The following TRIP12 variants were observed in gnomAD, a reference collection of about 807,000 sequenced individuals.
The protein encoded by TRIP12 is thyroid hormone receptor interactor 12, also known as E3 ubiquitin-protein ligase TRIP12.
A neutral mutation model predicts 244.2 loss-of-function variants in TRIP12; 25 were observed. The ratio of observed to expected loss-of-function variants is 0.10; its 90% CI spans 0.07 to 0.14. The LOEUF is 0.14. TRIP12 is among the 10% of genes least tolerant of loss of function. TRIP12 has a pLI of 1.00. For synonymous variants in TRIP12, 905 were observed against 873.1 expected, an observed-to-expected ratio of 1.04 and a Z score of -0.64; for missense variants, 1,677 against 2,486.4, an observed-to-expected ratio of 0.67 and a Z score of 6.92.
chr2:229,922,170 C>G (rs1044566501), upstream of TRIP12: 2 of 207,116 alleles, frequency 9.7e-6, no homozygotes, highest in Non-Finnish European at 2.0e-5. Context: ...CCTCCCACGC[C>G]TCCCGGCTCG....
chr2:229,848,451 A>G (rs563987322), intron 4 of TRIP12, among the ~76,000 whole-genome samples: 1 of 152,056 alleles, frequency 6.6e-6, no homozygotes, highest in East Asian at 1.9e-4. Context: ...ATGAAAACAA[A>G]ATCACCTCTT....
rs751997082 is a variant in TRIP12 at position 229,796,579 on chromosome 2, T to C, written c.3816+12A>G. 9 of 1,568,164 alleles carry C rather than the reference T, an allele frequency of 5.7e-6. No individual in the cohort carries two copies. The South Asian group carries it at 9.7e-5, about 17-fold the overall frequency. ...TTCTTAAAAGATACACAGGCATTAT[T>C]AGATAACTTACTGGAGAAGAAAAAA... On this transcript the variant is annotated intron_variant, in intron 25 of 41. Coordinates refer to ENST00000675903, the MANE Select transcript of TRIP12 (RefSeq NM_001348323.3).
At chr2:229,892,173 A>G (rs1220827973) in intron 1 of TRIP12, among the ~76,000 whole-genome samples, 1 of 152,206 alleles carries the variant, frequency 6.6e-6, no homozygotes, top group East Asian at 1.9e-4. Flanking sequence ...ATGAAAAGTG[A>G]AATAGGAGAA....
At chr2:229,844,593 A>C (rs879368493) in intron 4 of TRIP12, among the ~76,000 whole-genome samples, 12 of 152,230 alleles carry the variant, frequency 7.9e-5, no homozygotes, top group Non-Finnish European at 1.5e-4. Context: ...GTATTCTAGC[A>C]ATGAAATAAG....
intron 2 of TRIP12, among the ~76,000 whole-genome samples, chr2:229,870,348 G>C (rs1005678377): frequency 6.6e-6 from 1 of 152,240 alleles, no homozygotes; most frequent in Non-Finnish European, 1.5e-5. Context: ...AATAAACATG[G>C]TGTACAAAGA....
At chr2:229,862,428 G>A (rs2060627414) in intron 2 of TRIP12, among the ~76,000 whole-genome samples, 1 of 152,114 alleles carries the variant, frequency 6.6e-6, no homozygotes, top group African/African-American at 2.4e-5. Flanking sequence ...AACAGCTACA[G>A]GAAATATAAA....
rs766823187 is a variant in TRIP12, at chr2:229,916,004, G to A, written c.-50+5876C>T. ...GCCACTGGGTCAAATGTTTCAAGTA[G>A]GATACCTATGCATATAACAGAGGTA... is the stretch of plus-strand genomic sequence containing the variant. On this transcript the variant is annotated intron_variant, in intron 1 of 41. Transcript: ENST00000675903. Among the ~76,000 whole-genome samples, 57 of 152,176 alleles carry A rather than the reference G, an allele frequency of 3.7e-4. 1 individual carries two copies. The highest frequency in any genetic ancestry group is 1.3e-4 in the Non-Finnish European group (9 of 68,020).
chr2:229,870,233 C>A (rs1248824595), intron 2 of TRIP12, among the ~76,000 whole-genome samples: 8 of 152,172 alleles, frequency 5.3e-5, no homozygotes, highest in Non-Finnish European at 1.2e-4. Context: ...TTGCCACCTC[C>A]ATGAAAATGG....
At chr2:229,879,614 G>A (rs555826262) in intron 2 of TRIP12, among the ~76,000 whole-genome samples, 1 of 152,330 alleles carries the variant, frequency 6.6e-6, no homozygotes, top group African/African-American at 2.4e-5. Flanking sequence ...TAAAACAAAT[G>A]AGGCCTCTTT....
At chr2:229,838,011 A>C (rs1305443836) in intron 5 of TRIP12, among the ~76,000 whole-genome samples, 1 of 152,178 alleles carries the variant, frequency 6.6e-6, no homozygotes, top group African/African-American at 2.4e-5. Flanking sequence ...ATTTAAACAA[A>C]AGCTCCCCAA....
intron 1 of TRIP12, among the ~76,000 whole-genome samples, chr2:229,909,551 C>G (rs1363456874): frequency 6.7e-6 from 1 of 148,888 alleles, no homozygotes; most frequent in Non-Finnish European, 1.5e-5. Context: ...GCGTTGAGAC[C>G]TTGTCTAAAA....
At chr2:229,853,366 C>T (rs1312074687) in intron 4 of TRIP12, among the ~76,000 whole-genome samples, 5 of 152,250 alleles carry the variant, frequency 3.3e-5, no homozygotes, top group South Asian at 2.1e-4. Flanking sequence ...TCTGAATTAA[C>T]GTTAAAACAA....
At position 229,859,393 on chromosome 2, in the gene TRIP12, C is replaced by T. The variant is rs1205180282; in HGVS notation, c.406G>A (p.Ala136Thr). ...GAGGGAGATTCAGTATGCTGAAGTGCTTTTGGTTTTTTTGCAGAGCTAGGA... is the reference window on the plus strand; with the variant it reads ...GAGGGAGATTCAGTATGCTGAAGTGTTTTTGGTTTTTTTGCAGAGCTAGGA... ...NSPSSAKKPK[A>T]LQHTESPSET... The change falls in exon 4 of 42, where the codon GCA (alanine) becomes ACA (threonine). Residue 136 changes from alanine (A) to threonine (T), a missense_variant. Ala to Thr is a moderately conservative substitution (Grantham distance 58). This residue lies in a region of TRIP12 where 387 missense variants were observed against 392.6 expected (regional missense o/e 0.99). Transcript: ENST00000675903. The T allele has an allele frequency of 6.2e-7, 1 of 1,613,968 alleles. No homozygotes were observed. Among genetic ancestry groups the T allele is most frequent in the East Asian group, 2.2e-5 (1 of 44,884 alleles).
chr2:229,766,340 A>G lies in TRIP12; in HGVS notation c.*1214T>C, dbSNP rs952558025. The G allele has an allele frequency of 6.6e-6, 1 of 152,230 alleles. No individual in the cohort carries two copies. The highest frequency in any genetic ancestry group is 1.5e-5 in the Non-Finnish European group (1 of 68,032). The allele number at this position is 152,230 out of a possible 1,614,324, so 9.4% of individuals were successfully genotyped here. ...CCTTGCATTGAAATACATCTATACAATTGAAAGTTATGCATACAGCACAAA... is the reference window on the plus strand; with the variant it reads ...CCTTGCATTGAAATACATCTATACAGTTGAAAGTTATGCATACAGCACAAA... On this transcript the variant is annotated 3_prime_UTR_variant, in exon 42 of 42. Transcript: ENST00000675903.
At chr2:229,884,186 T>C (rs1576618443) in intron 1 of TRIP12, among the ~76,000 whole-genome samples, 1 of 151,728 alleles carries the variant, frequency 6.6e-6, no homozygotes, top group Non-Finnish European at 1.5e-5. Flanking sequence ...CTATCAAGAA[T>C]AGTCCTTAAA....
intron 39 of TRIP12, 103 bp downstream of exon 39, chr2:229,771,416 T>A (rs2034301764): frequency 4.5e-6 from 4 of 898,654 alleles, no homozygotes; most frequent in Non-Finnish European, 6.8e-6. Context: ...CTAACACCCA[T>A]TTTTTTGTTT....
rs755794228 is a variant in TRIP12 at position 229,858,791 on chromosome 2, T to C, written c.1008A>G (p.Gly336=). 6.3e-7 allele frequency: 1 copy of C among 1,581,944 alleles called. No homozygotes were observed. Among genetic ancestry groups the C allele is most frequent in the South Asian group, 1.1e-5 (1 of 88,050 alleles). The change falls in exon 4 of 42, where the codon GGA becomes GGG. Residue 336 remains glycine, a synonymous_variant. Coordinates refer to ENST00000675903, the MANE Select transcript of TRIP12 (RefSeq NM_001348323.3). ...KSETSKPGPS[G]LQAKLASLRK... ...ACTTACTTGCTAATTTGGCCTGTAA[T>C]CCAGAAGGTCCAGGTTTTGATGTCT...
chr2:229,851,324 C>G (rs576995968), intron 4 of TRIP12, among the ~76,000 whole-genome samples: 3 of 152,298 alleles, frequency 2.0e-5, no homozygotes, highest in African/African-American at 7.2e-5. Flanking sequence ...TCGACACTCT[C>G]TAGCTACTCT....
chr2:229,920,510 T>TC (rs1165709267), intron 1 of TRIP12, among the ~76,000 whole-genome samples: 1 of 150,246 alleles, frequency 6.7e-6, no homozygotes, highest in East Asian at 2.0e-4. Context: ...ACACATTCCC[T>TC]CCCCCAATTA....
Sources: gnomAD v4.1 joint callset for allele counts (sites outside exome capture counted in the v4.1 genomes callset) on GRCh38, gnomAD v4.1.1 for gene constraint, gnomAD v4.1.1 regional missense constraint, MANE v1.5 for transcripts, NCBI Gene and HGNC (gene_info 2026-07-23, HGNC 2026-07-21) for gene names.